Variants in GIT2 observed in about 807,000 individuals in gnomAD.
The protein encoded by GIT2 is ARF GTPase-activating protein GIT2.
A neutral mutation model predicts 100.3 loss-of-function variants in GIT2; 32 were observed. The ratio of observed to expected loss-of-function variants is 0.32; its 90% CI spans 0.24 to 0.43. The LOEUF is 0.43. Among genes scored for constraint, GIT2 ranks in the 20% least tolerant of loss-of-function variants. GIT2 has a pLI of 1.00. For synonymous variants in GIT2, 353 were observed against 364.1 expected, an observed-to-expected ratio of 0.97 and a Z score of 0.35; for missense variants, 737 against 975.1, an observed-to-expected ratio of 0.76 and a Z score of 3.25.
intron 9 of GIT2, among the ~76,000 whole-genome samples, chr12:109,964,255 GAC>G (rs1881740169): frequency 6.6e-6 from 1 of 151,914 alleles, no homozygotes; most frequent in Non-Finnish European, 1.5e-5. Context: ...AAAACACACA[GAC>G]ACACAAAACT....
chr12:109,983,308 T>C lies in GIT2; in HGVS notation c.623+65A>G, dbSNP rs1327050139. On this transcript the variant is annotated intron_variant, in intron 6 of 19. Coordinates refer to ENST00000355312, the MANE Select transcript of GIT2 (RefSeq NM_057169.5). ...ATATCAACATATACAACTTAGCTACTTAACAAGGAATCACACCCAACAAAA... is the reference window on the plus strand; with the variant it reads ...ATATCAACATATACAACTTAGCTACCTAACAAGGAATCACACCCAACAAAA... The C allele has an allele frequency of 2.7e-6, 4 of 1,455,420 alleles. No homozygotes were observed. The African/African-American group carries it at 4.2e-5, about 15-fold the overall frequency. 90.2% of individuals were successfully genotyped at this position (1,455,420 alleles called of 1,614,324 possible).
intron 7 of GIT2, among the ~76,000 whole-genome samples, chr12:109,978,083 T>G (rs939106092): frequency 5.5e-5 from 7 of 128,152 alleles, no homozygotes; most frequent in Admixed American, 3.6e-4. Flanking sequence ...GAGGTTTTTT[T>G]TTTTTTTTTT....
chr12:109,999,548 G>A (rs1278801887), upstream of GIT2: 3 of 557,366 alleles, frequency 5.4e-6, no homozygotes, highest in African/African-American at 4.0e-5. The surrounding 1 kb of genome is among the most constrained non-coding windows in gnomAD (Gnocchi z 4.3). Context: ...CCCCGCACCC[G>A]ACCGGCTCAG....
At chr12:109,942,433 A>C (rs1875050587) in intron 16 of GIT2, among the ~76,000 whole-genome samples, 2 of 152,060 alleles carry the variant, frequency 1.3e-5, no homozygotes, top group Non-Finnish European at 2.9e-5. Context: ...TCCCAGGTTC[A>C]AGTGATTCTC....
At chr12:109,999,898 C>G (rs1889861515), upstream of GIT2, 1 of 966,660 alleles carries the variant, frequency 1.0e-6, no homozygotes, top group Non-Finnish European at 1.5e-6. The surrounding 1 kb of genome is among the most constrained non-coding windows in gnomAD (Gnocchi z 4.3). Flanking sequence ...CAGACCCCTT[C>G]CACTTTGCAG....
chr12:109,946,690 G>A (rs1428726417), intron 15 of GIT2, among the ~76,000 whole-genome samples: 1 of 152,122 alleles, frequency 6.6e-6, no homozygotes. Context: ...GGGAGGAGCA[G>A]GATGCAGAAG....
At chr12:109,989,890 C>T in intron 2 of GIT2, 88 bp from the exon 3 acceptor site, 1 of 738,364 alleles carries the variant, frequency 1.4e-6, no homozygotes, top group South Asian at 1.5e-5. Flanking sequence ...AAACAAAGTC[C>T]TGTTATAAAC....
At chr12:109,986,101 C>T (rs2136886079) in intron 4 of GIT2, among the ~76,000 whole-genome samples, 1 of 151,974 alleles carries the variant, frequency 6.6e-6, no homozygotes, top group South Asian at 2.1e-4. Flanking sequence ...AAGAGATTCA[C>T]AGCTGAATTC....
chr12:109,939,680 A>AT (rs1189927938), intron 16 of GIT2: 11 of 134,742 alleles, frequency 8.2e-5, no homozygotes, highest in South Asian at 2.4e-4. Context: ...TAAAAAATAA[A>AT]TAAAATAAAT....
intron 12 of GIT2, among the ~76,000 whole-genome samples, chr12:109,955,272 C>T (rs569950096): frequency 1.6e-4 from 24 of 152,120 alleles, no homozygotes; most frequent in Non-Finnish European, 3.1e-4. Flanking sequence ...TACAAGCGCC[C>T]GCCACCACAC....
chr12:109,957,316 T>C (rs1298625466), intron 12 of GIT2, among the ~76,000 whole-genome samples: 1 of 152,164 alleles, frequency 6.6e-6, no homozygotes, highest in Non-Finnish European at 1.5e-5. Context: ...TCTCTGCACA[T>C]GTAGCACCCC....
chr12:109,943,380 T>C (rs1009614122), intron 16 of GIT2, among the ~76,000 whole-genome samples: 1 of 151,980 alleles, frequency 6.6e-6, no homozygotes, highest in Non-Finnish European at 1.5e-5. Flanking sequence ...CAGGCTGGAG[T>C]GCAGTGGTGC....
intron 1 of GIT2, among the ~76,000 whole-genome samples, chr12:109,995,335 G>A (rs139172588): frequency 1.1e-4 from 17 of 152,234 alleles, no homozygotes; most frequent in South Asian, 2.1e-4. Flanking sequence ...GTTTGTTTCC[G>A]TTGTAATCAA....
intron 16 of GIT2, among the ~76,000 whole-genome samples, chr12:109,943,324 C>T (rs960625532): frequency 8.0e-5 from 12 of 149,634 alleles, no homozygotes; most frequent in African/African-American, 2.8e-4. Flanking sequence ...AATTTCAGAA[C>T]TGCTCAGGAG....
intron 12 of GIT2, chr12:109,953,472 T>C: frequency 2.4e-6 from 1 of 411,852 alleles, no homozygotes; most frequent in Non-Finnish European, 4.4e-6. Context: ...ATTTAAAAAT[T>C]ATCCAGGCCT....
intron 7 of GIT2, among the ~76,000 whole-genome samples, chr12:109,968,023 G>A (rs571578135): frequency 3.9e-5 from 6 of 152,300 alleles, no homozygotes; most frequent in Non-Finnish European, 8.8e-5. Flanking sequence ...AATGAATAAC[G>A]CCACTATCAG....
intron 18 of GIT2, among the ~76,000 whole-genome samples, chr12:109,937,918 G>A (rs758825279): frequency 2.5e-4 from 38 of 152,274 alleles, no homozygotes; most frequent in South Asian, 6.2e-4. Context: ...GGTCAGACTG[G>A]TCTCGAACTC....
intron 7 of GIT2, among the ~76,000 whole-genome samples, chr12:109,969,692 G>A (rs572161407): frequency 3.0e-4 from 45 of 152,002 alleles, no homozygotes; most frequent in African/African-American, 8.4e-4. Flanking sequence ...GATTACAGGC[G>A]TGAGCCACCA....
In GIT2 at chr12:109,989,674, T is replaced by C. The variant is rs771057349; in HGVS notation, c.299+16A>G. ...TGTTATGAAGAAATAAAAGTATTTATAAACATTCCACTCACTGTACTTTAT... is the reference window on the plus strand; with the variant it reads ...TGTTATGAAGAAATAAAAGTATTTACAAACATTCCACTCACTGTACTTTAT... On this transcript the variant is annotated intron_variant, in intron 3 of 19. Coordinates refer to ENST00000355312, the MANE Select transcript of GIT2 (RefSeq NM_057169.5). The C allele has an allele frequency of 8.0e-7, 1 of 1,252,382 alleles. No homozygotes were observed. The highest frequency in any genetic ancestry group is 1.2e-6 in the Non-Finnish European group (1 of 855,268). 77.6% of individuals were successfully genotyped at this position (1,252,382 alleles called of 1,614,324 possible).
Sources: gnomAD v4.1 joint callset for allele counts (sites outside exome capture counted in the v4.1 genomes callset) on GRCh38, gnomAD v4.1.1 for gene constraint, Gnocchi (gnomAD v3.1) non-coding constraint, MANE v1.5 for transcripts, NCBI Gene and HGNC (gene_info 2026-07-23, HGNC 2026-07-21) for gene names.